Variants in KLHL1 observed in about 807,000 individuals in gnomAD.
The protein encoded by KLHL1 is kelch-like protein 1.
Under a neutral mutation model 77.7 loss-of-function variants are expected in KLHL1, and 47 were observed. That is an observed-to-expected ratio of 0.60 (90% CI 0.48 to 0.77). The LOEUF (loss-of-function observed/expected upper bound fraction) is 0.77. KLHL1 is among the 30% of genes least tolerant of loss of function. The pLI is 0.00. For missense variants in KLHL1, 925 were observed against 910.8 expected (o/e 1.02, Z -0.20); for synonymous variants, 360 against 325.2 (o/e 1.11, Z -1.15).
At chr13:69,934,763 C>T (rs940765630) in intron 4 of KLHL1, among the ~76,000 whole-genome samples, 1 of 151,828 alleles carries the variant, frequency 6.6e-6, no homozygotes, top group Non-Finnish European at 1.5e-5. Flanking sequence ...CAATTGCCTT[C>T]CCACTTCAGA....
chr13:70,023,497 C>T (rs1054051350), intron 1 of KLHL1, among the ~76,000 whole-genome samples: 2 of 151,846 alleles, frequency 1.3e-5, no homozygotes, highest in African/African-American at 2.4e-5. Flanking sequence ...CATTTAAGTT[C>T]ATACTCACAT....
At chr13:69,896,388 C>G (rs1566375454) in intron 4 of KLHL1, among the ~76,000 whole-genome samples, 1 of 152,188 alleles carries the variant, frequency 6.6e-6, no homozygotes, top group South Asian at 2.1e-4. Context: ...CTGCAAAGTA[C>G]CTACACAGTA....
At chr13:70,081,188 T>TGGGAACTGCTTCAACTCTA (rs1887382381) in intron 1 of KLHL1, among the ~76,000 whole-genome samples, 1 of 152,212 alleles carries the variant, frequency 6.6e-6, no homozygotes, top group Admixed American at 6.5e-5. Context: ...CCCCATGTCT[T>TGGGAACTGCTTCAACTCTA]GGGAACTGCT....
intron 1 of KLHL1, among the ~76,000 whole-genome samples, chr13:70,056,495 G>A (rs1370142789): frequency 6.6e-6 from 1 of 151,906 alleles, no homozygotes; most frequent in East Asian, 1.9e-4. Context: ...TGGAACTAAT[G>A]TATTTCATTC....
At chr13:69,776,398 T>A (rs548415505) in intron 7 of KLHL1, among the ~76,000 whole-genome samples, 1 of 152,346 alleles carries the variant, frequency 6.6e-6, no homozygotes, top group East Asian at 1.9e-4. Context: ...GCTTTGCCAC[T>A]AATGAGCTGT....
chr13:69,713,918 C>G (rs1354957197), intron 9 of KLHL1, among the ~76,000 whole-genome samples: 1 of 152,044 alleles, frequency 6.6e-6, no homozygotes, highest in Non-Finnish European at 1.5e-5. Context: ...AACCCCAAGA[C>G]AGAGGAGAAA....
At chr13:70,062,004 C>T (rs552047323) in intron 1 of KLHL1, among the ~76,000 whole-genome samples, 10 of 152,210 alleles carry the variant, frequency 6.6e-5, no homozygotes, top group African/African-American at 2.4e-4. Context: ...TAAAGTTAGC[C>T]ATATTCACCC....
chr13:69,865,050 G>A (rs1220089450), intron 5 of KLHL1, among the ~76,000 whole-genome samples: 2 of 152,086 alleles, frequency 1.3e-5, no homozygotes, highest in African/African-American at 4.8e-5. Flanking sequence ...GGGCTCAGGC[G>A]ATCCTCCTGC....
At chr13:69,842,546 T>C (rs1355811762) in intron 5 of KLHL1, among the ~76,000 whole-genome samples, 4 of 151,690 alleles carry the variant, frequency 2.6e-5, no homozygotes, top group African/African-American at 9.7e-5. Context: ...AATAACATGA[T>C]GGTGTGAATG....
At chr13:69,915,713 C>T (rs1405855463) in intron 4 of KLHL1, among the ~76,000 whole-genome samples, 2 of 152,024 alleles carry the variant, frequency 1.3e-5, no homozygotes, top group East Asian at 3.9e-4. Flanking sequence ...ACACCAAAAG[C>T]AATGGCAACA....
intron 1 of KLHL1, among the ~76,000 whole-genome samples, chr13:70,100,233 T>C (rs1162280367): frequency 6.6e-6 from 1 of 152,096 alleles, no homozygotes; most frequent in Admixed American, 6.6e-5. Flanking sequence ...TTTCAGTGTA[T>C]GAGTCTTTCA....
At chr13:70,092,709 T>C (rs1051715382) in intron 1 of KLHL1, among the ~76,000 whole-genome samples, 2 of 152,180 alleles carry the variant, frequency 1.3e-5, no homozygotes, top group African/African-American at 4.8e-5. Context: ...CATGATGTTA[T>C]ACTAAAAACA....
intron 2 of KLHL1, among the ~76,000 whole-genome samples, chr13:69,962,204 T>C (rs551996044): frequency 6.6e-6 from 1 of 152,174 alleles, no homozygotes; most frequent in African/African-American, 2.4e-5. Flanking sequence ...ATTCTTATAT[T>C]GTTACAATTT....
At chr13:70,104,607 T>A (rs971674518) in intron 1 of KLHL1, among the ~76,000 whole-genome samples, 2 of 152,146 alleles carry the variant, frequency 1.3e-5, no homozygotes, top group African/African-American at 4.8e-5. Flanking sequence ...TCATGTTTTA[T>A]ATGTAAGGAT....
chr13:69,996,357 T>C (rs1885152929), intron 1 of KLHL1, among the ~76,000 whole-genome samples: 1 of 152,012 alleles, frequency 6.6e-6, no homozygotes, highest in African/African-American at 2.4e-5. Context: ...GAGTAGAGAT[T>C]CCATTATATT....
At chr13:69,980,723 T>C (rs1884682289) in intron 1 of KLHL1, among the ~76,000 whole-genome samples, 1 of 152,078 alleles carries the variant, frequency 6.6e-6, no homozygotes, top group African/African-American at 2.4e-5. Flanking sequence ...TGTGCATTTG[T>C]TACATGAGTA....
At chr13:69,959,020 A>T (rs1593988082) in intron 3 of KLHL1, among the ~76,000 whole-genome samples, 1 of 152,026 alleles carries the variant, frequency 6.6e-6, no homozygotes, top group African/African-American at 2.4e-5. Context: ...TTTTTCCAAT[A>T]ATACCTGATA....
chr13:69,812,625 A>G (rs532902828), intron 6 of KLHL1, among the ~76,000 whole-genome samples: 2 of 152,266 alleles, frequency 1.3e-5, no homozygotes, highest in Admixed American at 6.5e-5. Flanking sequence ...ATTTACAAGA[A>G]AAAAACAAAC....
In KLHL1 at chr13:69,825,981, T is replaced by A. The variant is rs1291610213; in HGVS notation, c.1414+12995A>T. On this transcript the variant is annotated intron_variant, in intron 6 of 10. Coordinates refer to ENST00000377844, the MANE Select transcript of KLHL1 (RefSeq NM_020866.3). Reference sequence around the variant, plus strand: ...CAACATATTATGGCCTAGAAATACTTACTTACAGAAAAAAAAAGATTTATT... The same window carrying A: ...CAACATATTATGGCCTAGAAATACTAACTTACAGAAAAAAAAAGATTTATT... 7.4e-5 allele frequency among the ~76,000 whole-genome samples: 5 copies of A among 67,518 alleles called. No homozygotes were observed. The East Asian group carries it at 2.4e-3, about 33-fold the overall frequency. 44.3% of individuals were successfully genotyped at this position (67,518 alleles called of 152,430 possible).
Sources: allele counts gnomAD v4.1 joint callset (sites outside exome capture counted in the v4.1 genomes callset), GRCh38; gene constraint gnomAD v4.1.1; transcripts MANE v1.5; gene names NCBI Gene and HGNC (gene_info 2026-07-23, HGNC 2026-07-21).